The following TRIM44 variants were observed in gnomAD, a reference collection of about 807,000 sequenced individuals.
The protein encoded by TRIM44 is tripartite motif containing 44, also known as tripartite motif-containing protein 44.
A neutral mutation model predicts 37.4 loss-of-function variants in TRIM44; 13 were observed. The observed-to-expected ratio is 0.35, with a 90% CI of 0.23 to 0.55. The LOEUF (loss-of-function observed/expected upper bound fraction) is 0.55, where lower values mean the gene tolerates loss of function less well. TRIM44 is among the 20% of genes least tolerant of loss of function. The pLI is 0.89. For synonymous variants in TRIM44, 175 were observed against 157.2 expected (o/e 1.11, Z -0.85); for missense variants, 426 against 437.2 (o/e 0.97, Z 0.23).
rs555817702 is a variant in TRIM44 at position 35,700,057 on chromosome 11, T to G, written c.747+14721T>G. ...ATTTATAGATTCAATGCCATCCCCATGAAGCTACCAATGACTTTCTTCACA... is the reference window on the plus strand; with the variant it reads ...ATTTATAGATTCAATGCCATCCCCAGGAAGCTACCAATGACTTTCTTCACA... On this transcript the variant is annotated intron_variant, in intron 2 of 4. Coordinates refer to ENST00000299413, the MANE Select transcript of TRIM44 (RefSeq NM_017583.6). Among the ~76,000 whole-genome samples, 3 of 152,318 alleles carry G rather than the reference T, an allele frequency of 2.0e-5. No individual in the cohort carries two copies. The South Asian group carries it at 6.2e-4, about 32-fold the overall frequency.
intron 2 of TRIM44, among the ~76,000 whole-genome samples, chr11:35,712,812 A>C (rs1346794787): frequency 1.3e-5 from 2 of 152,036 alleles, no homozygotes; most frequent in African/African-American, 4.8e-5. Flanking sequence ...TTTGACAGTT[A>C]ATTTAGGAGC....
chr11:35,770,172 C>T (rs1170637489), intron 4 of TRIM44, among the ~76,000 whole-genome samples: 1 of 152,134 alleles, frequency 6.6e-6, no homozygotes, highest in African/African-American at 2.4e-5. Flanking sequence ...GTTTTTGTTC[C>T]TGTGTTAATT....
rs140504196 is a variant in TRIM44, at chr11:35,668,663, G to T, written c.669+4883G>T. Among the ~76,000 whole-genome samples, 240 of 152,346 alleles carry T rather than the reference G, an allele frequency of 1.6e-3. 8 individuals are homozygous for T. The East Asian group carries it at 0.043, about 27-fold the overall frequency. On this transcript the variant is annotated intron_variant, in intron 1 of 4. Transcript: ENST00000299413. The stretch of plus-strand genomic sequence containing the variant: ...TGTCTTAGCTATTGTGAATAGCACT[G>T]CAGTGAACATACACGTGCGTGTATC...
At chr11:35,700,037 T>C (rs906487628) in intron 2 of TRIM44, among the ~76,000 whole-genome samples, 1 of 152,122 alleles carries the variant, frequency 6.6e-6, no homozygotes, top group African/African-American at 2.4e-5. Flanking sequence ...AGGTAATTTA[T>C]AGATTCAATG....
intron 4 of TRIM44, among the ~76,000 whole-genome samples, chr11:35,775,042 C>G (rs1328893893): frequency 6.6e-6 from 1 of 152,172 alleles, no homozygotes; most frequent in African/African-American, 2.4e-5. Flanking sequence ...GGCATTGAAT[C>G]TATAAATTAC....
chr11:35,752,668 G>A (rs1056718019), intron 4 of TRIM44, among the ~76,000 whole-genome samples: 2 of 152,100 alleles, frequency 1.3e-5, no homozygotes, highest in African/African-American at 4.8e-5. Context: ...CCATCCCCAT[G>A]CCTCATTGCT....
At chr11:35,741,454 A>G (rs1301665208) in intron 4 of TRIM44, among the ~76,000 whole-genome samples, 1 of 152,234 alleles carries the variant, frequency 6.6e-6, no homozygotes, top group Non-Finnish European at 1.5e-5. Context: ...TTCCATTCAC[A>G]GCTGGAAAAT....
At chr11:35,775,157 T>A (rs1852938631) in intron 4 of TRIM44, among the ~76,000 whole-genome samples, 1 of 152,224 alleles carries the variant, frequency 6.6e-6, no homozygotes, top group African/African-American at 2.4e-5. Flanking sequence ...AGCAGTGGTT[T>A]GTAGTTCTCC....
rs771921431 is a variant in TRIM44 at position 35,800,718 on chromosome 11, T to TG, written c.1008-5637dup. 4.6e-5 allele frequency among the ~76,000 whole-genome samples: 7 copies of TG among 152,180 alleles called. No individual in the cohort carries two copies. The East Asian group carries it at 1.4e-3, about 29-fold the overall frequency. On this transcript the variant is annotated intron_variant, in intron 4 of 4. Transcript: ENST00000299413. Reference sequence around the variant, plus strand: ...TAGGCCATCCTTCAGATTGTGGTGATGGGATAGAGAGGGGCACAGGAAGCA... The same window carrying TG: ...TAGGCCATCCTTCAGATTGTGGTGATGGGGATAGAGAGGGGCACAGGAAGCA...
intron 2 of TRIM44, among the ~76,000 whole-genome samples, chr11:35,705,541 T>C (rs368199353): frequency 6.6e-6 from 1 of 151,942 alleles, no homozygotes; most frequent in East Asian, 1.9e-4. Flanking sequence ...ATGTAAAAGA[T>C]CAGAAATTAT....
chr11:35,781,205 C>T lies in TRIM44; in HGVS notation c.1008-25153C>T, dbSNP rs75440166. ...ATGGGGAATGTTATAGGCAAAGGAG[C>T]AGGGAGTTCAGACCCCATCAGACCA... On this transcript the variant is annotated intron_variant, in intron 4 of 4. Transcript: ENST00000299413. Among the ~76,000 whole-genome samples, 4 of 151,380 alleles carry T rather than the reference C, an allele frequency of 2.6e-5. No homozygotes were observed. In the East Asian group the frequency reaches 7.8e-4, roughly 29 times the overall value.
At chr11:35,689,744 A>G (rs980661547) in intron 2 of TRIM44, among the ~76,000 whole-genome samples, 1 of 152,200 alleles carries the variant, frequency 6.6e-6, no homozygotes, top group Non-Finnish European at 1.5e-5. Flanking sequence ...TATCTTTCAC[A>G]GTTTACTCAG....
At chr11:35,678,847 A>G (rs11033230) in intron 1 of TRIM44, among the ~76,000 whole-genome samples, 6,305 of 152,146 alleles carry the variant, frequency 0.041, 331 homozygotes, top group East Asian at 0.14. Flanking sequence ...TGATCCACCC[A>G]CTTTGGCCTC....
chr11:35,686,254 C>G lies in TRIM44; in HGVS notation c.747+918C>G, dbSNP rs560699976. Among the ~76,000 whole-genome samples, 7 of 152,204 alleles carry G rather than the reference C, an allele frequency of 4.6e-5. No homozygotes were observed. In the South Asian group the frequency reaches 1.5e-3, roughly 32 times the overall value. On this transcript the variant is annotated intron_variant, in intron 2 of 4. Coordinates refer to ENST00000299413, the MANE Select transcript of TRIM44 (RefSeq NM_017583.6). ...CTTCTCCTTCCTACCCAGACACTTACTGTGGCACTACCTGGTATTGGGGCC... is the reference window on the plus strand; with the variant it reads ...CTTCTCCTTCCTACCCAGACACTTAGTGTGGCACTACCTGGTATTGGGGCC...
At chr11:35,720,208 A>G (rs1017037224) in intron 2 of TRIM44, among the ~76,000 whole-genome samples, 3 of 152,090 alleles carry the variant, frequency 2.0e-5, no homozygotes, top group Non-Finnish European at 4.4e-5. Flanking sequence ...CTTATATTAG[A>G]GTTTTATAGT....
chr11:35,706,464 A>G (rs201743571), intron 2 of TRIM44, among the ~76,000 whole-genome samples: 6,291 of 152,240 alleles, frequency 0.041, 323 homozygotes, highest in East Asian at 0.14. Flanking sequence ...AACCAAAAAA[A>G]AGAATTTTAG....
chr11:35,704,104 G>A (rs1165162792), intron 2 of TRIM44, among the ~76,000 whole-genome samples: 1 of 152,158 alleles, frequency 6.6e-6, no homozygotes, highest in South Asian at 2.1e-4. Flanking sequence ...CGAGAACTAC[G>A]TGAAGAATGC....
intron 2 of TRIM44, among the ~76,000 whole-genome samples, chr11:35,717,287 T>C (rs1025110499): frequency 1.3e-5 from 2 of 152,236 alleles, no homozygotes; most frequent in African/African-American, 2.4e-5. Flanking sequence ...GGTGTCAATA[T>C]GCTGAATGCT....
chr11:35,814,420 G>A lies in TRIM44; in HGVS notation c.*8035G>A, dbSNP rs751584133. ...GGAGCCATCAATCAAAGAATTGCTT[G>A]CATCTAATAATGGTGTAATGCCAAT... On this transcript the variant is annotated 3_prime_UTR_variant, in exon 5 of 5. Coordinates refer to ENST00000299413, the MANE Select transcript of TRIM44 (RefSeq NM_017583.6). 18 of 152,194 alleles carry A rather than the reference G, an allele frequency of 1.2e-4. No individual in the cohort carries two copies. The highest frequency in any genetic ancestry group is 1.9e-4 in the Non-Finnish European group (13 of 68,046). 9.4% of individuals were successfully genotyped at this position (152,194 alleles called of 1,614,324 possible).
Sources: allele counts gnomAD v4.1 joint callset (sites outside exome capture counted in the v4.1 genomes callset), GRCh38; gene constraint gnomAD v4.1.1; transcripts MANE v1.5; gene names NCBI Gene and HGNC (gene_info 2026-07-23, HGNC 2026-07-21).